Variants in NUDT3 observed in about 807,000 individuals in gnomAD.
The protein encoded by NUDT3 is diphosphoinositol polyphosphate phosphohydrolase 1.
In NUDT3, 9 loss-of-function variants were observed where a neutral mutation model predicts 23.6. The observed-to-expected ratio is 0.38, with a 90% CI of 0.23 to 0.66. The LOEUF (loss-of-function observed/expected upper bound fraction) is 0.66, where lower values mean the gene tolerates loss of function less well. Among genes scored for constraint, NUDT3 ranks in the 30% least tolerant of loss-of-function variants. The pLI, the probability that NUDT3 is intolerant of heterozygous loss-of-function variation, is 0.52. For synonymous variants in NUDT3, 86 were observed against 82.6 expected (o/e 1.04, Z -0.22); for missense variants, 172 against 218.5 (o/e 0.79, Z 1.34).
chr6:34,351,212 A>AAAAAAAAAAAAAAAAAAAAAAAAAAAAAC (rs1561915096), intron 1 of NUDT3, among the ~76,000 whole-genome samples: 1 of 134,548 alleles, frequency 7.4e-6, no homozygotes, highest in Non-Finnish European at 1.6e-5. Flanking sequence ...AAAAAAAAAA[A>AAAAAAAAAAAAAAAAAAAAAAAAAAAAAC]AAAAAAAAAA....
chr6:34,379,275 C>T (rs968794488), intron 1 of NUDT3, among the ~76,000 whole-genome samples: 2 of 151,940 alleles, frequency 1.3e-5, no homozygotes, highest in Middle Eastern at 3.2e-3. Flanking sequence ...AAAAGTAATC[C>T]ATGGTGGGGT....
intron 2 of NUDT3, among the ~76,000 whole-genome samples, 167 bp downstream of exon 2, chr6:34,341,695 T>C (rs1280691794): frequency 1.3e-5 from 2 of 152,214 alleles, no homozygotes; most frequent in Non-Finnish European, 2.9e-5. Flanking sequence ...CATTACCATG[T>C]CACAACTCCA....
rs1277142761 is a variant in NUDT3, at chr6:34,354,420, CACACACACAT to C, written c.100-12458_100-12449del. Among the ~76,000 whole-genome samples the C allele has an allele frequency of 5.4e-3, 811 of 149,840 alleles. 7 individuals carry two copies. The highest frequency in any genetic ancestry group is 9.0e-3 in the Admixed American group (136 of 15,098). ...ACACACACACACACACACACACACA[CACACACACAT>C]ACACACTCTTGGCCGGGCACAGTGG... On this transcript the variant is annotated intron_variant, in intron 1 of 4. Transcript: ENST00000607016.
At position 34,280,827 on chromosome 6, in the gene NUDT3, T is replaced by G. The variant is rs963426620; in HGVS notation, c.*7926A>C. ...TGTGATTCCCCAGGGGACTGGTCCC[T>G]GGGTACATGGGTCCCTGGCTCTCTG... On this transcript the variant is annotated 3_prime_UTR_variant, in exon 5 of 5. Coordinates refer to ENST00000607016, the MANE Select transcript of NUDT3 (RefSeq NM_006703.4). 6.6e-6 allele frequency: 1 copy of G among 152,214 alleles called. No individual in the cohort carries two copies. The highest frequency in any genetic ancestry group is 1.5e-5 in the Non-Finnish European group (1 of 68,038). 9.4% of individuals were successfully genotyped at this position (152,214 alleles called of 1,614,324 possible). A position where few individuals can be genotyped will look rare whatever the true frequency, so the allele number is the denominator to read the frequency against.
intron 1 of NUDT3, among the ~76,000 whole-genome samples, chr6:34,354,099 G>A (rs916709356): frequency 6.6e-6 from 1 of 151,480 alleles, no homozygotes; most frequent in Admixed American, 6.6e-5. Context: ...TATATTTTTA[G>A]TAGAGACAGG....
At chr6:34,344,035 TA>T (rs914573731) in intron 1 of NUDT3, among the ~76,000 whole-genome samples, 3 of 152,124 alleles carry the variant, frequency 2.0e-5, no homozygotes, top group Non-Finnish European at 4.4e-5. Context: ...CCAAACAGCA[TA>T]AGAAGTGCTG....
At chr6:34,307,794 C>G (rs1308091175) in intron 2 of NUDT3, among the ~76,000 whole-genome samples, 1 of 152,044 alleles carries the variant, frequency 6.6e-6, no homozygotes. Flanking sequence ...AATCCAACTA[C>G]ACTTTAAACA....
intron 2 of NUDT3, among the ~76,000 whole-genome samples, chr6:34,320,183 T>C (rs1384344210): frequency 6.6e-6 from 1 of 152,130 alleles, no homozygotes; most frequent in Non-Finnish European, 1.5e-5. Context: ...AAAATGTTAC[T>C]AGTGGCGAGT....
intron 2 of NUDT3, among the ~76,000 whole-genome samples, chr6:34,328,660 T>C (rs1269634529): frequency 6.6e-6 from 1 of 152,170 alleles, no homozygotes; most frequent in Non-Finnish European, 1.5e-5. Flanking sequence ...TAGCTGGGAC[T>C]ACAGCTGTAC....
chr6:34,280,544 G>A lies in NUDT3; in HGVS notation c.*8209C>T, dbSNP rs938601719. ...CACCATTCCTTGGATTCCCAGTTTT[G>A]TTGAGCTCATTTGAGGTCATCCTTG... On this transcript the variant is annotated 3_prime_UTR_variant, in exon 5 of 5. Transcript: ENST00000607016. 4.6e-5 allele frequency: 7 copies of A among 152,176 alleles called. No individual in the cohort carries two copies. The highest frequency in any genetic ancestry group is 1.7e-4 in the African/African-American group (7 of 41,442). 9.4% of individuals were successfully genotyped at this position (152,176 alleles called of 1,614,324 possible). A position where few individuals can be genotyped will look rare whatever the true frequency, so the allele number is the denominator to read the frequency against.
At chr6:34,355,873 G>T (rs1462227166) in intron 1 of NUDT3, among the ~76,000 whole-genome samples, 1 of 152,136 alleles carries the variant, frequency 6.6e-6, no homozygotes, top group Non-Finnish European at 1.5e-5. Flanking sequence ...GTCCCTAGAG[G>T]GTGGTGTGCC....
At chr6:34,369,078 A>G (rs1688572811) in intron 1 of NUDT3, among the ~76,000 whole-genome samples, 1 of 152,032 alleles carries the variant, frequency 6.6e-6, no homozygotes, top group African/African-American at 2.4e-5. Context: ...CCTGTAATAG[A>G]CCACTGGTTG....
intron 2 of NUDT3, among the ~76,000 whole-genome samples, chr6:34,331,858 C>T (rs1434270398): frequency 2.0e-5 from 3 of 152,090 alleles, no homozygotes; most frequent in Admixed American, 1.3e-4. Flanking sequence ...CCAACTCCCA[C>T]GCAGTCAAAC....
At chr6:34,359,517 T>TA (rs769795738) in intron 1 of NUDT3, among the ~76,000 whole-genome samples, 5 of 152,268 alleles carry the variant, frequency 3.3e-5, no homozygotes, top group Non-Finnish European at 7.3e-5. Flanking sequence ...AATGGAAGCA[T>TA]ACAATAAATA....
chr6:34,348,998 A>G (rs1022581166), intron 1 of NUDT3, among the ~76,000 whole-genome samples: 1 of 152,040 alleles, frequency 6.6e-6, no homozygotes, highest in African/African-American at 2.4e-5. Flanking sequence ...TAACTGGGAC[A>G]ACAGGCATGG....
At chr6:34,317,510 A>T (rs1172586154) in intron 2 of NUDT3, among the ~76,000 whole-genome samples, 1 of 152,106 alleles carries the variant, frequency 6.6e-6, no homozygotes, top group Non-Finnish European at 1.5e-5. Context: ...GATGTAGGAG[A>T]AAAACCTACT....
chr6:34,352,955 T>C (rs977943194), intron 1 of NUDT3, among the ~76,000 whole-genome samples: 1 of 152,232 alleles, frequency 6.6e-6, no homozygotes, highest in Non-Finnish European at 1.5e-5. Flanking sequence ...TATATGTGTC[T>C]AGAATTCGTC....
At chr6:34,370,672 C>G (rs1015189567) in intron 1 of NUDT3, among the ~76,000 whole-genome samples, 2 of 152,206 alleles carry the variant, frequency 1.3e-5, no homozygotes, top group Non-Finnish European at 2.9e-5. Flanking sequence ...TTAGACTAAG[C>G]TGACCATCAA....
intron 2 of NUDT3, among the ~76,000 whole-genome samples, chr6:34,305,188 G>C (rs926019712): frequency 1.3e-5 from 2 of 150,140 alleles, no homozygotes; most frequent in East Asian, 4.0e-4. Context: ...TTACCATGTT[G>C]GCAGGCTGGT....
Sources: allele counts gnomAD v4.1 joint callset (sites outside exome capture counted in the v4.1 genomes callset), GRCh38; gene constraint gnomAD v4.1.1; transcripts MANE v1.5; gene names NCBI Gene and HGNC (gene_info 2026-07-23, HGNC 2026-07-21).